Variants in RBFOX1 observed in about 807,000 individuals in gnomAD.
The protein encoded by RBFOX1 is RNA binding protein fox-1 homolog 1.
Under a neutral mutation model 57.7 loss-of-function variants are expected in RBFOX1, and 8 were observed. The observed-to-expected ratio is 0.14, with a 90% CI of 0.08 to 0.25. The LOEUF (loss-of-function observed/expected upper bound fraction) is 0.25. Ranked by LOEUF, RBFOX1 falls within the 10% of genes least tolerant of loss-of-function variation. The pLI is 1.00. For missense variants in RBFOX1, 611 were observed against 548.5 expected (o/e 1.11, Z -1.14); for synonymous variants, 326 against 222.4 (o/e 1.47, Z -4.15).
intron 3 of RBFOX1, among the ~76,000 whole-genome samples, chr16:6,991,463 C>T (rs955531845): frequency 6.6e-5 from 10 of 152,238 alleles, no homozygotes; most frequent in Middle Eastern, 3.4e-3. Context: ...AGCACAAATA[C>T]GTAGATAAGT....
chr16:7,706,846 C>G (rs1158432150), intron 14 of RBFOX1, among the ~76,000 whole-genome samples: 4 of 152,146 alleles, frequency 2.6e-5, no homozygotes, highest in African/African-American at 9.7e-5. Context: ...TTACTATGTA[C>G]TTCTAGTTAA....
Position 5,356,984 on chromosome 16 carries a change from A to G in RBFOX1, c.220-110232A>G, listed in dbSNP as rs150861105. On this transcript the variant is annotated intron_variant, in intron 1 of 2. Coordinates refer to the RBFOX1 transcript ENST00000585867. ...ACAGGTACCCAGTGAAGTAGGTACT[A>G]TTACTTATTTCCATCCAGTAGATAA... Among the ~76,000 whole-genome samples, 755 of 152,320 alleles carry G rather than the reference A, an allele frequency of 5.0e-3. 7 individuals carry two copies. The highest frequency in any genetic ancestry group is 0.017 in the African/African-American group (707 of 41,562).
intron 2 of RBFOX1, among the ~76,000 whole-genome samples, chr16:5,490,594 G>T (rs9928541): frequency 0.06 from 9,071 of 152,220 alleles, 894 homozygotes; most frequent in African/African-American, 0.2. Flanking sequence ...GCGGGGTGAG[G>T]GGGTGATGAG....
chr16:5,509,602 G>T (rs1181722370), intron 2 of RBFOX1, among the ~76,000 whole-genome samples: 2 of 152,176 alleles, frequency 1.3e-5, no homozygotes, highest in Non-Finnish European at 2.9e-5. Flanking sequence ...AGCAGTGAGG[G>T]GCCCTTGCAA....
At chr16:7,476,087 TC>T (rs2062640782) in intron 4 of RBFOX1, among the ~76,000 whole-genome samples, 4 of 152,152 alleles carry the variant, frequency 2.6e-5, no homozygotes, top group Admixed American at 2.0e-4. Flanking sequence ...CACCTCAGCA[TC>T]CTGAGTAGCT....
At chr16:5,251,678 G>A (rs1203453469) in intron 1 of RBFOX1, among the ~76,000 whole-genome samples, 1 of 152,112 alleles carries the variant, frequency 6.6e-6, no homozygotes, top group Non-Finnish European at 1.5e-5. Flanking sequence ...GTGAGGGCGG[G>A]GAATTCAAAT....
At chr16:6,829,092 C>G (rs1039236839) in intron 3 of RBFOX1, among the ~76,000 whole-genome samples, 1 of 152,082 alleles carries the variant, frequency 6.6e-6, no homozygotes, top group African/African-American at 2.4e-5. Context: ...ATTTGGGGAC[C>G]TCCCCAAGCC....
chr16:5,944,748 A>T (rs1366767354), intron 4 of RBFOX1, among the ~76,000 whole-genome samples: 2 of 141,756 alleles, frequency 1.4e-5, no homozygotes, highest in African/African-American at 5.3e-5. Context: ...AGGTCAAGAG[A>T]TAGAGACCAT....
At chr16:5,820,470 A>G (rs919670076) in intron 3 of RBFOX1, among the ~76,000 whole-genome samples, 10 of 152,098 alleles carry the variant, frequency 6.6e-5, no homozygotes, top group Non-Finnish European at 1.2e-4. Flanking sequence ...CATTAGCAGC[A>G]CCAGAGCTGC....
intron 4 of RBFOX1, among the ~76,000 whole-genome samples, chr16:5,944,983 AAAAAAGAGAGAGAG>A (rs1441647716): frequency 1.6e-4 from 22 of 141,608 alleles, no homozygotes; most frequent in African/African-American, 5.6e-4. Context: ...AAAAAAAAAA[AAAAAAGAGAGAGAG>A]AGAGAGAGAA....
chr16:6,463,866 C>G (rs960142381), intron 2 of RBFOX1, among the ~76,000 whole-genome samples: 3 of 152,080 alleles, frequency 2.0e-5, no homozygotes, highest in East Asian at 1.9e-4. Flanking sequence ...TAGACTAGCT[C>G]TCGCGCCCAC....
chr16:6,889,064 C>T (rs987859312), intron 3 of RBFOX1, among the ~76,000 whole-genome samples: 8 of 152,084 alleles, frequency 5.3e-5, no homozygotes, highest in South Asian at 4.1e-4. Flanking sequence ...TATTTTTTCC[C>T]TTATAGACAC....
chr16:6,497,198 C>T (rs1236875832), intron 2 of RBFOX1, among the ~76,000 whole-genome samples: 2 of 152,154 alleles, frequency 1.3e-5, no homozygotes, highest in Non-Finnish European at 2.9e-5. Context: ...CCACAAGCAG[C>T]TTGCTTAACC....
intron 4 of RBFOX1, among the ~76,000 whole-genome samples, chr16:7,486,227 A>T (rs994557511): frequency 4.3e-5 from 6 of 139,696 alleles, no homozygotes; most frequent in Non-Finnish European, 6.0e-5. Context: ...GGTTCAAGTG[A>T]TTCTCCTGCC....
At chr16:7,256,458 G>A (rs2094688322) in intron 4 of RBFOX1, among the ~76,000 whole-genome samples, 6 of 152,156 alleles carry the variant, frequency 3.9e-5, no homozygotes, top group Admixed American at 1.3e-4. Context: ...TGGCATTATT[G>A]CTGACCTTTC....
intron 4 of RBFOX1, among the ~76,000 whole-genome samples, chr16:7,494,331 C>T (rs774043771): frequency 3.3e-5 from 5 of 152,174 alleles, no homozygotes; most frequent in Middle Eastern, 3.2e-3. Flanking sequence ...GAGACCATCT[C>T]TGGCCTTCCT....
At chr16:5,926,331 G>A (rs749388422) in intron 4 of RBFOX1, among the ~76,000 whole-genome samples, 2 of 152,164 alleles carry the variant, frequency 1.3e-5, no homozygotes, top group Non-Finnish European at 2.9e-5. Context: ...TTGGAGAAGG[G>A]TTGGGGCTGG....
chr16:6,786,195 A>T (rs147301223), intron 3 of RBFOX1, among the ~76,000 whole-genome samples: 1 of 152,284 alleles, frequency 6.6e-6, no homozygotes, highest in African/African-American at 2.4e-5. Flanking sequence ...TTGACTCCTC[A>T]TTCCTTGGGG....
intron 4 of RBFOX1, among the ~76,000 whole-genome samples, chr16:7,146,689 C>T (rs908590046): frequency 6.6e-6 from 1 of 151,986 alleles, no homozygotes; most frequent in Admixed American, 6.6e-5. Flanking sequence ...TGGCTCATGC[C>T]TGCAATCCTG....
Sources: allele counts gnomAD v4.1 joint callset (sites outside exome capture counted in the v4.1 genomes callset), GRCh38; gene constraint gnomAD v4.1.1; transcripts MANE v1.5; gene names NCBI Gene and HGNC (gene_info 2026-07-23, HGNC 2026-07-21).